Variants in SOX6 observed in about 807,000 individuals in gnomAD.
SOX6 encodes transcription factor SOX-6.
A neutral mutation model predicts 97.8 loss-of-function variants in SOX6; 11 were observed. The observed-to-expected ratio is 0.11, with a 90% CI of 0.07 to 0.19. The LOEUF (loss-of-function observed/expected upper bound fraction) is 0.19, where lower values mean the gene tolerates loss of function less well. Among genes scored for constraint, SOX6 ranks in the 10% least tolerant of loss-of-function variants. The probability of loss-of-function intolerance (pLI) is 1.00; values close to 1 mark genes in which losing one functional copy is unlikely to be tolerated. For missense variants in SOX6, 810 were observed against 1,039.5 expected, an observed-to-expected ratio of 0.78 and a Z score of 3.04; for synonymous variants, 360 against 371.4, an observed-to-expected ratio of 0.97 and a Z score of 0.35.
chr11:16,243,213 C>A (rs1288513499), intron 3 of SOX6, among the ~76,000 whole-genome samples: 3 of 151,930 alleles, frequency 2.0e-5, no homozygotes, highest in African/African-American at 7.2e-5. Flanking sequence ...ATATTCTTCT[C>A]ATGTATTAAT....
At chr11:16,067,904 T>G (rs1253711968) in intron 9 of SOX6, among the ~76,000 whole-genome samples, 1 of 152,188 alleles carries the variant, frequency 6.6e-6, no homozygotes, top group Non-Finnish European at 1.5e-5. Context: ...AAAAAATTAC[T>G]ATTCTATAGA....
At chr11:16,475,040 C>G (rs760557385) in intron 1 of SOX6, among the ~76,000 whole-genome samples, 20 of 152,198 alleles carry the variant, frequency 1.3e-4, no homozygotes, top group Non-Finnish European at 2.5e-4. Context: ...GTGAACCAAT[C>G]TCTGCTAGCT....
intron 3 of SOX6, among the ~76,000 whole-genome samples, chr11:16,637,526 A>G (rs7128107): frequency 0.27 from 40,749 of 152,080 alleles, 6,205 homozygotes; most frequent in East Asian, 0.53. Flanking sequence ...GCTTTTCAAT[A>G]GTTTCAAAAT....
At chr11:16,586,690 A>G (rs1219928012) in intron 4 of SOX6, among the ~76,000 whole-genome samples, 3 of 152,192 alleles carry the variant, frequency 2.0e-5, no homozygotes, top group Non-Finnish European at 2.9e-5. Context: ...ACTGCACTCC[A>G]GCCTGGGTGA....
intron 4 of SOX6, among the ~76,000 whole-genome samples, chr11:16,228,176 C>T (rs1298827487): frequency 4.1e-5 from 6 of 146,110 alleles, no homozygotes; most frequent in East Asian, 4.1e-4. Flanking sequence ...CCTGCCTAGG[C>T]GACAGAACAA....
intron 13 of SOX6, among the ~76,000 whole-genome samples, chr11:15,998,355 T>C (rs550056800): frequency 6.6e-6 from 1 of 150,532 alleles, no homozygotes; most frequent in East Asian, 1.9e-4. Flanking sequence ...ATAAAATACT[T>C]GGGAATAAAT....
chr11:16,177,663 C>G (rs1851236169), intron 6 of SOX6, among the ~76,000 whole-genome samples: 1 of 149,908 alleles, frequency 6.7e-6, no homozygotes, highest in Admixed American at 6.7e-5. Flanking sequence ...CTCTCTCTCT[C>G]TCTCTGATTT....
At chr11:16,635,619 A>G (rs1848773899) in intron 3 of SOX6, among the ~76,000 whole-genome samples, 3 of 152,222 alleles carry the variant, frequency 2.0e-5, no homozygotes, top group Admixed American at 2.0e-4. Flanking sequence ...CATAAGTAAG[A>G]AGGAGCCAAA....
chr11:16,601,883 C>T (rs1265654168), intron 4 of SOX6, among the ~76,000 whole-genome samples: 1 of 151,946 alleles, frequency 6.6e-6, no homozygotes, highest in African/African-American at 2.4e-5. Flanking sequence ...AAAGATTTGC[C>T]AGTTAGGTTA....
At chr11:15,978,109 T>C (rs1415854383) in intron 15 of SOX6, among the ~76,000 whole-genome samples, 1 of 152,088 alleles carries the variant, frequency 6.6e-6, no homozygotes, top group Non-Finnish European at 1.5e-5. Flanking sequence ...ATCTGAATCA[T>C]TAATTTTTTA....
intron 3 of SOX6, among the ~76,000 whole-genome samples, chr11:16,677,678 C>T (rs938692186): frequency 1.3e-5 from 2 of 152,030 alleles, no homozygotes; most frequent in African/African-American, 2.4e-5. Flanking sequence ...TGAGTTTCTT[C>T]CTTATAATGT....
intron 4 of SOX6, among the ~76,000 whole-genome samples, chr11:16,500,836 C>A (rs557388776): frequency 3.8e-4 from 58 of 152,158 alleles, no homozygotes; most frequent in Admixed American, 1.2e-3. Context: ...AAGAACATTC[C>A]ATGCTCATGG....
intron 4 of SOX6, among the ~76,000 whole-genome samples, chr11:16,548,666 G>A (rs1691352652): frequency 6.6e-6 from 1 of 152,020 alleles, no homozygotes. Flanking sequence ...AAAATGAACG[G>A]GCTGGGCAGG....
intron 9 of SOX6, among the ~76,000 whole-genome samples, chr11:16,082,014 C>G (rs1848482674): frequency 6.6e-6 from 1 of 152,130 alleles, no homozygotes; most frequent in African/African-American, 2.4e-5. Flanking sequence ...ATAGACTTTC[C>G]TTTTTTAGAG....
intron 10 of SOX6, among the ~76,000 whole-genome samples, chr11:16,054,708 C>CA (rs1415957966): frequency 6.6e-6 from 1 of 152,108 alleles, no homozygotes; most frequent in Admixed American, 6.6e-5. Context: ...TTAATAATTG[C>CA]AAAATTTCTC....
chr11:16,085,792 T>C (rs1848565199), intron 9 of SOX6, among the ~76,000 whole-genome samples: 1 of 152,200 alleles, frequency 6.6e-6, no homozygotes. Flanking sequence ...AGCAACATAA[T>C]GTGACAACTG....
chr11:16,277,347 A>T (rs1017725291), intron 3 of SOX6, among the ~76,000 whole-genome samples: 1 of 152,082 alleles, frequency 6.6e-6, no homozygotes, highest in Admixed American at 6.6e-5. Context: ...GGATGCAGGG[A>T]GAAGACAGAG....
intron 1 of SOX6, among the ~76,000 whole-genome samples, chr11:16,469,223 A>T (rs1434862433): frequency 6.6e-6 from 1 of 152,192 alleles, no homozygotes; most frequent in East Asian, 1.9e-4. Context: ...CAAACTTTTT[A>T]GAGCAGTTTG....
chr11:16,637,119 T>C (rs900420780), intron 3 of SOX6, among the ~76,000 whole-genome samples: 3 of 152,230 alleles, frequency 2.0e-5, no homozygotes, highest in African/African-American at 7.2e-5. Flanking sequence ...ATTCTTGATC[T>C]CTACTGTTTC....
Sources: allele counts gnomAD v4.1 joint callset (sites outside exome capture counted in the v4.1 genomes callset), GRCh38; gene constraint gnomAD v4.1.1; transcripts MANE v1.5; gene names NCBI Gene and HGNC (gene_info 2026-07-23, HGNC 2026-07-21).